Variants in TMEM244 observed in about 807,000 individuals in gnomAD.
TMEM244 encodes putative transmembrane protein 244.
In TMEM244, 13 loss-of-function variants were observed where a neutral mutation model predicts 15.8. The observed-to-expected ratio is 0.82, with a 90% CI of 0.53 to 1.30. TMEM244 has a LOEUF of 1.30. Among genes scored for constraint, TMEM244 ranks in the 50% most tolerant of loss-of-function variants. TMEM244 has a pLI of 0.00. For synonymous variants in TMEM244, 45 were observed against 48.7 expected, an observed-to-expected ratio of 0.92 and a Z score of 0.32; for missense variants, 161 against 144.9, an observed-to-expected ratio of 1.11 and a Z score of -0.57.
rs1050262504 is a variant in TMEM244 at position 129,857,828 on chromosome 6, G to C, written c.33+3328C>G. On this transcript the variant is annotated intron_variant, in intron 1 of 4. Transcript: ENST00000368143. Reference sequence around the variant, plus strand: ...TATATATATACACACATATATATATGTGTATATATATGTACATATATATGT... The same window carrying C: ...TATATATATACACACATATATATATCTGTATATATATGTACATATATATGT... Among the ~76,000 whole-genome samples, 2 of 149,602 alleles carry C rather than the reference G, an allele frequency of 1.3e-5. 1 individual carries two copies. The highest frequency in any genetic ancestry group is 3.0e-5 in the Non-Finnish European group (2 of 67,494).
At chr6:129,849,975 C>T (rs987382218) in intron 1 of TMEM244, among the ~76,000 whole-genome samples, 3 of 152,166 alleles carry the variant, frequency 2.0e-5, no homozygotes, top group Non-Finnish European at 2.9e-5. Context: ...GTTAAGGCAT[C>T]GCATCTGCAT....
At chr6:129,853,571 G>A (rs1776663502) in intron 1 of TMEM244, among the ~76,000 whole-genome samples, 2 of 151,856 alleles carry the variant, frequency 1.3e-5, no homozygotes, top group South Asian at 2.1e-4. Context: ...TTCAGAAAAC[G>A]GTCTGCTACA....
chr6:129,835,069 C>G (rs1281494568), intron 3 of TMEM244, among the ~76,000 whole-genome samples: 1 of 152,132 alleles, frequency 6.6e-6, no homozygotes, highest in East Asian at 1.9e-4. Context: ...GTCAAGATAA[C>G]AGCATTCTAG....
At chr6:129,841,330 A>G (rs1381761966) in intron 3 of TMEM244, among the ~76,000 whole-genome samples, 4 of 149,042 alleles carry the variant, frequency 2.7e-5, no homozygotes, top group African/African-American at 9.9e-5. Context: ...AGAACAGAAA[A>G]CCAAACACCA....
intron 3 of TMEM244, among the ~76,000 whole-genome samples, chr6:129,841,058 C>T (rs1776482666): frequency 6.6e-6 from 1 of 152,108 alleles, no homozygotes; most frequent in East Asian, 1.9e-4. Context: ...ATTTGACCCA[C>T]CAATCCCATT....
chr6:129,852,606 G>A (rs865988060), intron 1 of TMEM244, among the ~76,000 whole-genome samples: 3 of 152,240 alleles, frequency 2.0e-5, no homozygotes, highest in Middle Eastern at 3.4e-3. Flanking sequence ...AAAGTCCTAG[G>A]GACCAGAGGA....
At chr6:129,858,224 T>C (rs1024465701) in intron 1 of TMEM244, among the ~76,000 whole-genome samples, 7 of 152,206 alleles carry the variant, frequency 4.6e-5, no homozygotes, top group Non-Finnish European at 1.0e-4. Flanking sequence ...AACATATTTC[T>C]TGTTTCATAA....
chr6:129,857,852 GTA>G (rs202092004), intron 1 of TMEM244, among the ~76,000 whole-genome samples: 33 of 148,950 alleles, frequency 2.2e-4, no homozygotes, highest in African/African-American at 6.9e-4. Flanking sequence ...ACATATATAT[GTA>G]TATATATATA....
At chr6:129,857,003 G>C (rs1776721981) in intron 1 of TMEM244, among the ~76,000 whole-genome samples, 1 of 151,858 alleles carries the variant, frequency 6.6e-6, no homozygotes, top group South Asian at 2.1e-4. Flanking sequence ...TTCCTGTTAA[G>C]CTTATGATTA....
intron 3 of TMEM244, among the ~76,000 whole-genome samples, chr6:129,837,107 G>A (rs757489331): frequency 2.0e-5 from 3 of 152,030 alleles, no homozygotes; most frequent in South Asian, 2.1e-4. Context: ...AGAGCAATTC[G>A]AAGACATATA....
chr6:129,837,946 G>A (rs1464500677), intron 3 of TMEM244, among the ~76,000 whole-genome samples: 1 of 152,138 alleles, frequency 6.6e-6, no homozygotes, highest in Non-Finnish European at 1.5e-5. Context: ...CCTACAAAGA[G>A]ACTTAGACTC....
intron 1 of TMEM244, among the ~76,000 whole-genome samples, chr6:129,856,629 CT>C (rs887599582): frequency 6.6e-6 from 1 of 151,912 alleles, no homozygotes; most frequent in African/African-American, 2.4e-5. Context: ...AATAAGTGCA[CT>C]TTTTGTATAT....
chr6:129,839,774 A>G (rs1311248959), intron 3 of TMEM244, among the ~76,000 whole-genome samples: 1 of 152,240 alleles, frequency 6.6e-6, no homozygotes, highest in East Asian at 1.9e-4. Flanking sequence ...AAGCATTCCT[A>G]TACACAAATA....
chr6:129,838,344 A>G (rs1251551175), intron 3 of TMEM244, among the ~76,000 whole-genome samples: 2 of 152,238 alleles, frequency 1.3e-5, no homozygotes, highest in African/African-American at 2.4e-5. Flanking sequence ...TACTGGGTAC[A>G]TAACAAAATG....
intron 3 of TMEM244, among the ~76,000 whole-genome samples, chr6:129,841,271 T>A (rs1776486174): frequency 6.6e-6 from 1 of 152,142 alleles, no homozygotes; most frequent in African/African-American, 2.4e-5. Flanking sequence ...ATGTCCTTTG[T>A]AGGGACATGG....
intron 1 of TMEM244, among the ~76,000 whole-genome samples, chr6:129,847,738 T>C (rs1281737701): frequency 6.6e-6 from 1 of 151,854 alleles, no homozygotes; most frequent in Non-Finnish European, 1.5e-5. Context: ...CAGTTCACTC[T>C]CAGGATCTCA....
intron 1 of TMEM244, among the ~76,000 whole-genome samples, chr6:129,859,036 C>T (rs1364127312): frequency 2.6e-5 from 4 of 152,018 alleles, no homozygotes; most frequent in East Asian, 3.9e-4. Context: ...CTAAAGTGAT[C>T]GTCCGGTTTG....
At chr6:129,831,422 G>A in intron 4 of TMEM244, 36 bp from the exon 5 acceptor site, 3 of 1,399,926 alleles carry the variant, frequency 2.1e-6, no homozygotes, top group Non-Finnish European at 2.0e-6. Context: ...TTCAAAACAT[G>A]CGTTTTTATA....
chr6:129,849,812 G>A (rs565439889), intron 1 of TMEM244, among the ~76,000 whole-genome samples: 2 of 152,212 alleles, frequency 1.3e-5, no homozygotes, highest in South Asian at 4.1e-4. Context: ...TATTATTGAG[G>A]AGGGTACAGA....
Sources: gnomAD v4.1 joint callset for allele counts (sites outside exome capture counted in the v4.1 genomes callset) on GRCh38, gnomAD v4.1.1 for gene constraint, MANE v1.5 for transcripts, NCBI Gene and HGNC (gene_info 2026-07-23, HGNC 2026-07-21) for gene names.